Variants in TBC1D22A observed in about 807,000 individuals in gnomAD.
TBC1D22A encodes putative GTPase activator.
Under a neutral mutation model 60.2 loss-of-function variants are expected in TBC1D22A, and 38 were observed. The observed-to-expected ratio is 0.63, with a 90% confidence interval of 0.49 to 0.83. TBC1D22A has a LOEUF of 0.83. TBC1D22A is among the 40% of genes least tolerant of loss of function. TBC1D22A has a pLI of 0.00. For synonymous variants in TBC1D22A, 302 were observed against 281.7 expected, an observed-to-expected ratio of 1.07 and a Z score of -0.72; for missense variants, 628 against 701.0, an observed-to-expected ratio of 0.90 and a Z score of 1.18.
intron 12 of TBC1D22A, among the ~76,000 whole-genome samples, chr22:47,155,625 G>A (rs910163884): frequency 2.0e-5 from 3 of 152,226 alleles, no homozygotes; most frequent in Non-Finnish European, 2.9e-5. Flanking sequence ...GCGAGGACGC[G>A]TAACACTTGA....
intron 11 of TBC1D22A, among the ~76,000 whole-genome samples, chr22:47,109,134 G>A (rs188120402): frequency 4.6e-5 from 7 of 152,352 alleles, no homozygotes; most frequent in Admixed American, 3.9e-4. Flanking sequence ...CAAAAGCCCT[G>A]CGTGAGGTTA....
intron 10 of TBC1D22A, among the ~76,000 whole-genome samples, chr22:47,017,881 G>A (rs2061958399): frequency 6.6e-6 from 1 of 152,210 alleles, no homozygotes; most frequent in Non-Finnish European, 1.5e-5. Context: ...AAGGTTTGGA[G>A]CTCAGTGCCC....
chr22:46,978,327 A>G (rs998257361), intron 9 of TBC1D22A, among the ~76,000 whole-genome samples: 3 of 152,390 alleles, frequency 2.0e-5, no homozygotes, highest in Non-Finnish European at 4.4e-5. Flanking sequence ...GAGAAAATTA[A>G]AAATATTTAG....
At chr22:47,088,328 G>T (rs779849812) in intron 11 of TBC1D22A, among the ~76,000 whole-genome samples, 7 of 152,154 alleles carry the variant, frequency 4.6e-5, no homozygotes, top group African/African-American at 7.2e-5. Context: ...ACATCTAGTC[G>T]TACAGAAAGC....
At chr22:46,936,970 C>T (rs2071692308) in intron 8 of TBC1D22A, among the ~76,000 whole-genome samples, 2 of 152,038 alleles carry the variant, frequency 1.3e-5, no homozygotes, top group Non-Finnish European at 2.9e-5. Context: ...ATGTTTTCAG[C>T]TGACAGTCAT....
chr22:46,905,904 G>T (rs2069429662), intron 7 of TBC1D22A, among the ~76,000 whole-genome samples: 1 of 152,206 alleles, frequency 6.6e-6, no homozygotes. Context: ...TTTTCCTCCT[G>T]AGTCTAGACA....
At position 46,820,271 on chromosome 22, in the gene TBC1D22A, C is replaced by A. The variant is rs562346054; in HGVS notation, c.637+22651C>A. On this transcript the variant is annotated intron_variant, in intron 4 of 12. Coordinates refer to ENST00000337137, the MANE Select transcript of TBC1D22A (RefSeq NM_014346.5). ...GATCTTAGTTATTTTTTGTCTTCTG[C>A]TAGCTTTTGGATTAGTTTGCTCTTG... Among the ~76,000 whole-genome samples, 7 of 152,182 alleles carry A rather than the reference C, an allele frequency of 4.6e-5. No homozygotes were observed. In the South Asian group the frequency reaches 1.2e-3, roughly 27 times the overall value.
chr22:46,773,641 G>C (rs1231136492), intron 1 of TBC1D22A, among the ~76,000 whole-genome samples: 1 of 152,032 alleles, frequency 6.6e-6, no homozygotes, highest in Admixed American at 6.6e-5. Flanking sequence ...ATTTTTTTGT[G>C]TGTGTGTTTT....
At chr22:47,042,439 GA>G (rs2062879264) in intron 11 of TBC1D22A, among the ~76,000 whole-genome samples, 5 of 152,234 alleles carry the variant, frequency 3.3e-5, no homozygotes, top group Admixed American at 6.5e-5. Context: ...AGGAGAGAGA[GA>G]GAGAATATGA....
intron 5 of TBC1D22A, among the ~76,000 whole-genome samples, chr22:46,879,816 T>C (rs1274050187): frequency 3.9e-5 from 6 of 152,222 alleles, no homozygotes; most frequent in Non-Finnish European, 7.3e-5. Context: ...AGGGGGAAAG[T>C]CTCATGTGAG....
At chr22:46,851,065 C>T (rs756869253) in intron 4 of TBC1D22A, among the ~76,000 whole-genome samples, 13 of 152,026 alleles carry the variant, frequency 8.6e-5, no homozygotes, top group Non-Finnish European at 1.3e-4. Flanking sequence ...ATGGAAATGT[C>T]GGTGGTAAGG....
intron 7 of TBC1D22A, among the ~76,000 whole-genome samples, chr22:46,897,309 G>A (rs2068727910): frequency 6.6e-6 from 1 of 152,138 alleles, no homozygotes; most frequent in Admixed American, 6.5e-5. Context: ...GTTACTTAGT[G>A]TACACCCTAT....
intron 7 of TBC1D22A, among the ~76,000 whole-genome samples, chr22:46,910,320 T>G (rs762718159): frequency 1.4e-4 from 21 of 152,014 alleles, no homozygotes; most frequent in Non-Finnish European, 2.9e-4. Flanking sequence ...ACTTCACCTG[T>G]CGGTCCCAGG....
At chr22:46,874,468 T>G (rs1200572230) in intron 4 of TBC1D22A, among the ~76,000 whole-genome samples, 4 of 151,978 alleles carry the variant, frequency 2.6e-5, no homozygotes, top group African/African-American at 9.7e-5. Context: ...CTGACTGATA[T>G]GAGATGGTAT....
intron 12 of TBC1D22A, among the ~76,000 whole-genome samples, chr22:47,164,265 C>T (rs987030629): frequency 9.2e-5 from 14 of 152,236 alleles, no homozygotes; most frequent in African/African-American, 1.7e-4. Context: ...AGACATGGGC[C>T]TCTGTGGCCT....
chr22:46,782,814 T>G (rs948841696), intron 1 of TBC1D22A, among the ~76,000 whole-genome samples: 5 of 152,336 alleles, frequency 3.3e-5, no homozygotes, highest in Admixed American at 6.5e-5. Flanking sequence ...TTCATTCCCT[T>G]TATGACCTAA....
At chr22:46,764,499 TACAGCAGTG>T (rs2083218034) in intron 1 of TBC1D22A, among the ~76,000 whole-genome samples, 1 of 152,238 alleles carries the variant, frequency 6.6e-6, no homozygotes, top group Non-Finnish European at 1.5e-5. Flanking sequence ...TGTGTGGAGT[TACAGCAGTG>T]ACTCAACCTT....
At chr22:46,888,293 G>A (rs1442185357) in intron 5 of TBC1D22A, among the ~76,000 whole-genome samples, 1 of 152,248 alleles carries the variant, frequency 6.6e-6, no homozygotes, top group African/African-American at 2.4e-5. Context: ...CAAGGGTTGG[G>A]CAGAGGGTGA....
At chr22:47,127,674 C>A (rs551490691) in intron 12 of TBC1D22A, among the ~76,000 whole-genome samples, 4 of 152,236 alleles carry the variant, frequency 2.6e-5, no homozygotes, top group African/African-American at 9.6e-5. Context: ...GAGAGAACAT[C>A]CGCCTCGTCA....
Sources: gnomAD v4.1 joint callset for allele counts (sites outside exome capture counted in the v4.1 genomes callset) on GRCh38, gnomAD v4.1.1 for gene constraint, MANE v1.5 for transcripts, NCBI Gene and HGNC (gene_info 2026-07-23, HGNC 2026-07-21) for gene names.